Variants in CFAP74 observed in about 807,000 individuals in gnomAD.
CFAP74 encodes cilia- and flagella-associated protein 74.
A neutral mutation model predicts 188.9 loss-of-function variants in CFAP74; 124 were observed. The ratio of observed to expected loss-of-function variants is 0.66; its 90% CI spans 0.57 to 0.76. The LOEUF is 0.76. Ranked by LOEUF, CFAP74 falls within the 30% of genes least tolerant of loss-of-function variation. The pLI, the probability that CFAP74 is intolerant of heterozygous loss-of-function variation, is 0.00. For synonymous variants in CFAP74, 956 were observed against 916.7 expected (o/e 1.04, Z -0.77); for missense variants, 2,198 against 2,165.2 (o/e 1.02, Z -0.30).
chr1:1,926,078 C>T, intron 32 of CFAP74, 140 bp from the exon 33 acceptor site: 1 of 1,405,706 alleles, frequency 7.1e-7, no homozygotes, highest in Non-Finnish European at 9.5e-7. Flanking sequence ...CACTTGGCGG[C>T]TGGTGTGAGG....
intron 1 of CFAP74, among the ~76,000 whole-genome samples, chr1:1,999,192 T>C (rs1296781892): frequency 6.6e-6 from 1 of 152,118 alleles, no homozygotes; most frequent in Non-Finnish European, 1.5e-5. Context: ...ACTAAGACAG[T>C]AGAGTGCTTT....
intron 1 of CFAP74, among the ~76,000 whole-genome samples, chr1:1,994,340 A>G (rs1036330201): frequency 2.6e-5 from 4 of 152,226 alleles, no homozygotes; most frequent in Admixed American, 1.3e-4. Flanking sequence ...GTAAAATTGT[A>G]GAGGACTGTG....
At chr1:1,939,086 T>G in intron 24 of CFAP74, 98 bp from the exon 25 acceptor site, 1 of 1,291,722 alleles carries the variant, frequency 7.7e-7, no homozygotes, top group South Asian at 1.4e-5. Context: ...ATGAGTGTGA[T>G]CGTGTGTGAG....
intron 10 of CFAP74, among the ~76,000 whole-genome samples, chr1:1,969,703 C>T (rs1438806945): frequency 6.6e-6 from 1 of 151,822 alleles, no homozygotes. Flanking sequence ...GCTGCCAGGA[C>T]CCCCCCGCCC....
At chr1:1,927,170 C>G in intron 28 of CFAP74, 142 bp from the exon 29 acceptor site, 1 of 907,864 alleles carries the variant, frequency 1.1e-6, no homozygotes, top group South Asian at 1.7e-5. Context: ...GACAAACTGG[C>G]TTTTCCACCC....
chr1:1,956,023 G>A (rs994629675), intron 17 of CFAP74, among the ~76,000 whole-genome samples, 173 bp from the exon 18 acceptor site: 10 of 152,262 alleles, frequency 6.6e-5, no homozygotes, highest in Non-Finnish European at 1.2e-4. Context: ...CTGGTTGTGG[G>A]ATCACAGCAG....
chr1:1,997,417 C>G (rs1446090459), intron 1 of CFAP74, among the ~76,000 whole-genome samples: 1 of 146,886 alleles, frequency 6.8e-6, no homozygotes, highest in African/African-American at 2.5e-5. Flanking sequence ...AGCGAAACTC[C>G]GTCTCAAAAA....
chr1:1,959,895 C>G, intron 15 of CFAP74, 69 bp downstream of exon 15: 1 of 1,371,098 alleles, frequency 7.3e-7, no homozygotes, highest in African/African-American at 1.5e-5. Context: ...TTCTGCGCCA[C>G]CATGCCCGAT....
Position 1,930,139 on chromosome 1 carries a change from G to T in CFAP74, c.3209C>A (p.Pro1070His). ...IGSEDASPMG[P>H]TSFEFLLPPD... ...GGGCAGCAGGAACTCGAAAGACGTG[G>T]GCCCCATGGGAGAGGCGTCCTCTGA... Residue 1070 changes from proline (P) to histidine (H), a missense_variant, in exon 26 of 39, where the codon CCC becomes CAC. Coordinates refer to ENST00000682832, the MANE Select transcript of CFAP74 (RefSeq NM_001304360.2). 2 of 1,535,564 alleles carry T rather than the reference G, an allele frequency of 1.3e-6. 1 individual carries two copies. Among genetic ancestry groups the T allele is most frequent in the Non-Finnish European group, 1.7e-6 (2 of 1,146,654 alleles).
Position 1,926,451 on chromosome 1 carries a change from G to A in CFAP74, c.3828+6C>T. ...CAGGCCGCCTGAGCTGGGTGGACAA[G>A]GACACGGCCAGATCCTCGGGAGAGA... On this transcript the variant is annotated splice_donor_region_variant and intron_variant, in intron 31 of 38. Transcript: ENST00000682832. The A allele has an allele frequency of 6.5e-7, 1 of 1,550,290 alleles. No individual in the cohort carries two copies. Among genetic ancestry groups the A allele is most frequent in the Non-Finnish European group, 8.7e-7 (1 of 1,146,908 alleles).
chr1:1,999,385 T>G (rs1658085080), intron 1 of CFAP74, among the ~76,000 whole-genome samples: 2 of 152,088 alleles, frequency 1.3e-5, no homozygotes, highest in Admixed American at 1.3e-4. Context: ...AAATCAAAAT[T>G]CAGCTACAGT....
In CFAP74 at chr1:1,930,350, C is replaced by A; in HGVS notation, c.3012-14G>T. On this transcript the variant is annotated splice_polypyrimidine_tract_variant and intron_variant, in intron 25 of 38. Coordinates refer to ENST00000682832, the MANE Select transcript of CFAP74 (RefSeq NM_001304360.2). ...AGCTTGAAGCACCTGCAAGCAGCAG[C>A]ATGGGAGGCCCTCAGCCGTGCAGGG... is the stretch of plus-strand genomic sequence containing the variant. 1 of 1,509,772 alleles carries A rather than the reference C, an allele frequency of 6.6e-7. No individual in the cohort carries two copies. Among genetic ancestry groups the A allele is most frequent in the Non-Finnish European group, 8.9e-7 (1 of 1,128,988 alleles). The allele number at this position is 1,509,772 out of a possible 1,614,324, so 93.5% of individuals were successfully genotyped here. A position where few individuals can be genotyped will look rare whatever the true frequency, so the allele number is the denominator to read the frequency against.
Position 1,968,794 on chromosome 1 carries a change from G to A in CFAP74, c.1086C>T (p.Ile362=), listed in dbSNP as rs778358221. Residue 362 remains isoleucine (I), a synonymous_variant, in exon 11 of 39, where the codon ATC becomes ATT. Transcript: ENST00000682832. This position sits in a 1 kb window ranked among gnomAD's most constrained non-coding sequence, Gnocchi z 4.3. ...EEEQKLRKQE[I]ISRILKEEAE... ...CCTCCTCTTTCAGAATCCGACTGAT[G>A]ATCTCCTGCTTTCTGAGCTTCTGCT... The A allele has an allele frequency of 1.5e-5, 24 of 1,613,948 alleles. No individual in the cohort carries two copies. Among genetic ancestry groups the A allele is most frequent in the South Asian group, 1.3e-4 (12 of 91,084 alleles).
chr1:2,003,419 C>CA (rs148007552), intron 1 of CFAP74, among the ~76,000 whole-genome samples: 2,133 of 152,308 alleles, frequency 0.014, 49 homozygotes, highest in African/African-American at 0.049. Flanking sequence ...GTTCACCAGA[C>CA]AGGCTGGCCC....
At chr1:1,959,288 G>T in intron 15 of CFAP74, 79 bp from the exon 16 acceptor site, 1 of 991,578 alleles carries the variant, frequency 1.0e-6, no homozygotes. Context: ...ACAGGGTCTG[G>T]CTCTGTTGGC....
rs780458708 is a variant in CFAP74, at chr1:1,985,491, C to G, written c.396-1G>C. On this transcript the variant is annotated splice_acceptor_variant, in intron 5 of 38. Coordinates refer to ENST00000682832, the MANE Select transcript of CFAP74 (RefSeq NM_001304360.2). LOFTEE classifies it high-confidence loss of function. ...GGCCTGGAGGCGGCCCACAGCGGCC[C>G]TGCAGTGGTGAACGGACAGGCCGGG... 6.2e-7 allele frequency: 1 copy of G among 1,613,252 alleles called. No homozygotes were observed. The highest frequency in any genetic ancestry group is 8.5e-7 in the Non-Finnish European group (1 of 1,179,644).
Position 1,971,013 on chromosome 1 carries a change from T to C in CFAP74, c.889-197A>G, listed in dbSNP as rs572075002. Among the ~76,000 whole-genome samples, 133 of 119,478 alleles carry C rather than the reference T, an allele frequency of 1.1e-3. 1 individual carries two copies. Among genetic ancestry groups the C allele is most frequent in the African/African-American group, 4.1e-3 (123 of 30,318 alleles). 78.4% of individuals were successfully genotyped at this position (119,478 alleles called of 152,430 possible). A position where few individuals can be genotyped will look rare whatever the true frequency, so the allele number is the denominator to read the frequency against. On this transcript the variant is annotated intron_variant, in intron 9 of 38. Transcript: ENST00000682832. Reference sequence around the variant, plus strand: ...GCACACACACACGCACACCTGCACATGCACACATCACACATGCACACCTGC... The same window carrying C: ...GCACACACACACGCACACCTGCACACGCACACATCACACATGCACACCTGC...
At chr1:1,937,354 A>C (rs1652971061) in intron 25 of CFAP74, among the ~76,000 whole-genome samples, 2 of 152,252 alleles carry the variant, frequency 1.3e-5, no homozygotes, top group African/African-American at 4.8e-5. Context: ...ACGGGACAGC[A>C]TCGCACCTGT....
chr1:1,970,121 GAGA>G (rs909498116), intron 10 of CFAP74, among the ~76,000 whole-genome samples: 10 of 152,150 alleles, frequency 6.6e-5, no homozygotes, highest in Admixed American at 1.3e-4. Context: ...CCCCCGTTTG[GAGA>G]AGAACAGAGA....
Sources: allele counts gnomAD v4.1 joint callset (sites outside exome capture counted in the v4.1 genomes callset), GRCh38; gene constraint gnomAD v4.1.1; non-coding constraint Gnocchi (gnomAD v3.1); transcripts MANE v1.5; gene names NCBI Gene and HGNC (gene_info 2026-07-23, HGNC 2026-07-21).